DPH2: variants seen among roughly 807,000 people sequenced by gnomAD.
DPH2 encodes 2-(3-amino-3-carboxypropyl)histidine synthase subunit 2.
Under a neutral mutation model 42.5 loss-of-function variants are expected in DPH2, and 28 were observed. The ratio of observed to expected loss-of-function variants is 0.66; its 90% CI spans 0.49 to 0.90. The LOEUF is 0.90. Among genes scored for constraint, DPH2 ranks in the 40% least tolerant of loss-of-function variants. The probability of loss-of-function intolerance (pLI) is 0.00; values close to 1 mark genes in which losing one functional copy is unlikely to be tolerated. For synonymous variants in DPH2, 279 were observed against 264.4 expected, an observed-to-expected ratio of 1.06 and a Z score of -0.53; for missense variants, 576 against 636.0, an observed-to-expected ratio of 0.91 and a Z score of 1.01.
chr1:43,972,701 C>T lies in DPH2; in HGVS notation c.*162C>T. On this transcript the variant is annotated 3_prime_UTR_variant, in exon 6 of 6. Coordinates refer to ENST00000255108, the MANE Select transcript of DPH2 (RefSeq NM_001384.5). ...AGGATAGGATCCGTCTCTGTCCTGT[C>T]CTGGCACTGGCACAAGCTCAGCACA... 2.0e-6 allele frequency: 2 copies of T among 1,007,852 alleles called. No homozygotes were observed. Among genetic ancestry groups the T allele is most frequent in the South Asian group, 3.2e-5 (2 of 61,594 alleles). 62.4% of individuals were successfully genotyped at this position (1,007,852 alleles called of 1,614,324 possible).
intron 1 of DPH2, 35 bp from the exon 2 acceptor site, chr1:43,970,561 G>C: frequency 1.9e-6 from 3 of 1,604,486 alleles, no homozygotes; most frequent in Non-Finnish European, 2.6e-6. Flanking sequence ...CAGTGGGAGA[G>C]AGGCTGTCCC....
chr1:43,972,073 G>C lies in DPH2; in HGVS notation c.1168+3G>C, dbSNP rs1447729003. The C allele has an allele frequency of 6.2e-7, 1 of 1,611,720 alleles. No individual in the cohort carries two copies. The highest frequency in any genetic ancestry group is 1.1e-5 in the South Asian group (1 of 90,990). Reference sequence around the variant, plus strand: ...ACATTATGCGGACTTATTGCCTGGTGAGTAGTGGGGGCATTGCCTAAGCTG... The same window carrying C: ...ACATTATGCGGACTTATTGCCTGGTCAGTAGTGGGGGCATTGCCTAAGCTG... On this transcript the variant is annotated splice_donor_region_variant and intron_variant, in intron 4 of 5. Coordinates refer to ENST00000255108, the MANE Select transcript of DPH2 (RefSeq NM_001384.5).
At chr1:43,970,812 A>C in intron 2 of DPH2, 104 bp downstream of exon 2, 1 of 1,312,526 alleles carries the variant, frequency 7.6e-7, no homozygotes, top group Non-Finnish European at 1.1e-6. Flanking sequence ...CTCCTTGATG[A>C]TAATGGTAAT....
chr1:43,972,652 G>A lies in DPH2; in HGVS notation c.*113G>A. On this transcript the variant is annotated 3_prime_UTR_variant, in exon 6 of 6. Coordinates refer to ENST00000255108, the MANE Select transcript of DPH2 (RefSeq NM_001384.5). ...CAAGATCCTTGAAGGACCCTGGAAG[G>A]AGGGAGAGCAGGCAGCCCTTCACAG... The A allele has an allele frequency of 6.7e-7, 1 of 1,489,942 alleles. No individual in the cohort carries two copies. Among genetic ancestry groups the A allele is most frequent in the South Asian group, 1.3e-5 (1 of 78,364 alleles). The allele number at this position is 1,489,942 out of a possible 1,614,324, so 92.3% of individuals were successfully genotyped here.
At chr1:43,970,894 C>A (rs917336368) in intron 2 of DPH2, 72 bp from the exon 3 acceptor site, 14 of 1,468,066 alleles carry the variant, frequency 9.5e-6, no homozygotes, top group African/African-American at 1.4e-5. Context: ...ATTCACTGAC[C>A]ACATTTCCCA....
Position 43,971,827 on chromosome 1 carries a change from G to T in DPH2, c.925G>T (p.Ala309Ser). 1.2e-6 allele frequency: 2 copies of T among 1,613,198 alleles called. No individual in the cohort carries two copies. Residue 309 changes from alanine to serine, a missense_variant, in exon 4 of 6, where the codon GCT (alanine) becomes TCT (serine). Ala to Ser is a moderately conservative substitution (Grantham distance 99). Around this residue, in one of 3 missense-constraint regions of DPH2, gnomAD observed 395 missense variants for 435.2 expected, o/e 0.91. Coordinates refer to ENST00000255108, the MANE Select transcript of DPH2 (RefSeq NM_001384.5). ...ALAHLRNLTQ[A>S]AGKRSYVLAL... ...GGCCCACTTGCGGAACCTGACTCAG[G>T]CTGCTGGCAAGCGTAGCTATGTGTT...
chr1:43,971,408 G>C lies in DPH2; in HGVS notation c.506G>C (p.Arg169Pro), dbSNP rs529900643. The change falls in exon 4 of 6, where the codon CGC (arginine) becomes CCC (proline). Residue 169 changes from arginine (R) to proline (P), a missense_variant. By Grantham distance (103) the Arg-to-Pro change is moderately radical. Transcript: ENST00000255108. ...CCAGAGGCTTTGGCTACTCTCCTGCGCCCACGGTACCTGGACCTGCTAGTC... is the reference window on the plus strand; with the variant it reads ...CCAGAGGCTTTGGCTACTCTCCTGCCCCCACGGTACCTGGACCTGCTAGTC... Reference protein sequence around the residue: ...HALEALATLLRPRYLDLLVSS... With the variant: ...HALEALATLLPPRYLDLLVSS... 8 of 1,597,138 alleles carry C rather than the reference G, an allele frequency of 5.0e-6. No homozygotes were observed. The highest frequency in any genetic ancestry group is 6.8e-6 in the Non-Finnish European group (8 of 1,169,422).
At chr1:43,970,826 TC>T (rs1557640296) in intron 2 of DPH2, 118 bp downstream of exon 2, 2 of 1,281,722 alleles carry the variant, frequency 1.6e-6, no homozygotes, top group Admixed American at 3.5e-5. Context: ...TGGTAATGAC[TC>T]CCCTTCTGAT....
Position 43,971,925 on chromosome 1 carries a change from T to C in DPH2, c.1023T>C (p.Cys341=). Residue 341 remains cysteine (C), a synonymous_variant, in exon 4 of 6, where the codon TGT becomes TGC. Coordinates refer to ENST00000255108, the MANE Select transcript of DPH2 (RefSeq NM_001384.5). ...PEVDVFVLLA[C]PLGALAPQLS... ...TGGATGTCTTTGTGCTATTAGCCTG[T>C]CCTCTGGGTGCTCTAGCCCCCCAGC... 1 of 1,614,220 alleles carries C rather than the reference T, an allele frequency of 6.2e-7. No individual in the cohort carries two copies. The highest frequency in any genetic ancestry group is 8.5e-7 in the Non-Finnish European group (1 of 1,180,036).
At chr1:43,972,358 C>A (rs368133869) in intron 5 of DPH2, 24 bp downstream of exon 5, 2 of 1,613,284 alleles carry the variant, frequency 1.2e-6, no homozygotes, top group African/African-American at 2.7e-5. Flanking sequence ...TCTCCACTCC[C>A]AGCTGAGCTT....
intron 3 of DPH2, 91 bp from the exon 4 acceptor site, chr1:43,971,296 C>A: frequency 6.5e-7 from 1 of 1,533,078 alleles, no homozygotes; most frequent in Non-Finnish European, 8.8e-7. Context: ...GGGCTTGGCC[C>A]CAGCCTACTG....
In DPH2 at chr1:43,970,960, C is replaced by G; in HGVS notation, c.261-6C>G. On this transcript the variant is annotated splice_polypyrimidine_tract_variant and splice_region_variant and intron_variant, in intron 2 of 5. Coordinates refer to ENST00000255108, the MANE Select transcript of DPH2 (RefSeq NM_001384.5). ...ACCCATTTCTCTGATGCTATCTTCC[C>G]TGCAGCTGCTGCGTGGATGTGCTGG... 1 of 1,569,968 alleles carries G rather than the reference C, an allele frequency of 6.4e-7. No individual in the cohort carries two copies. Among genetic ancestry groups the G allele is most frequent in the Non-Finnish European group, 8.6e-7 (1 of 1,156,112 alleles).
Position 43,971,522 on chromosome 1 carries a change from C to T in DPH2, c.620C>T (p.Pro207Leu). The T allele has an allele frequency of 6.2e-7, 1 of 1,614,222 alleles. No individual in the cohort carries two copies. Among genetic ancestry groups the T allele is most frequent in the Non-Finnish European group, 8.5e-7 (1 of 1,180,032 alleles). Residue 207 changes from proline (P) to leucine (L), a missense_variant, in exon 4 of 6, where the codon CCA becomes CTA. Pro to Leu is a moderately conservative substitution (Grantham distance 98, BLOSUM62 -3). Coordinates refer to ENST00000255108, the MANE Select transcript of DPH2 (RefSeq NM_001384.5). ...TTTGGGCGCCGCTTCCCCCTTGCCCCAGGGAGGCGTCTAGAAGAGTATGGT... is the reference window on the plus strand; with the variant it reads ...TTTGGGCGCCGCTTCCCCCTTGCCCTAGGGAGGCGTCTAGAAGAGTATGGT... ...ERFGRRFPLA[P>L]GRRLEEYGAF...
chr1:43,970,094 C>A lies in DPH2; in HGVS notation c.-82C>A. On this transcript the variant is annotated 5_prime_UTR_variant, in exon 1 of 6. The change creates a new upstream start codon in the 5' untranslated region. Coordinates refer to ENST00000255108, the MANE Select transcript of DPH2 (RefSeq NM_001384.5). ...ACCCCCACAAGGCGATTTTGACCCC[C>A]TGAGGGCTGCTCTAGAGGACTCAGG... 1 of 1,542,448 alleles carries A rather than the reference C, an allele frequency of 6.5e-7. No homozygotes were observed.
intron 1 of DPH2, 68 bp downstream of exon 1, chr1:43,970,390 TGGG>T: frequency 6.3e-7 from 1 of 1,582,680 alleles, no homozygotes; most frequent in South Asian, 1.1e-5. Context: ...ATCCGGATCT[TGGG>T]GGATTTTGTG....
chr1:43,970,196 C>T lies in DPH2; in HGVS notation c.21C>T (p.Ser7=), dbSNP rs764044865. The change falls in exon 1 of 6, where the codon AGC becomes AGT. Residue 7 remains serine, a synonymous_variant. Coordinates refer to ENST00000255108, the MANE Select transcript of DPH2 (RefSeq NM_001384.5). MESMFS[S]PAEAALQRET... is the part of the protein sequence containing the mutation. ...GCCTCATGGAGTCGATGTTTAGCAGCCCTGCCGAGGCGGCGCTGCAGCGAG... is the reference window on the plus strand; with the variant it reads ...GCCTCATGGAGTCGATGTTTAGCAGTCCTGCCGAGGCGGCGCTGCAGCGAG... 4 of 1,614,082 alleles carry T rather than the reference C, an allele frequency of 2.5e-6. No individual in the cohort carries two copies. The South Asian group carries it at 3.3e-5, about 13-fold the overall frequency.
chr1:43,970,778 T>G, intron 2 of DPH2, 70 bp downstream of exon 2: 2 of 1,454,884 alleles, frequency 1.4e-6, no homozygotes, highest in Non-Finnish European at 9.7e-7. Context: ...TCTATGACAG[T>G]GATTGCCTTC....
In DPH2 at chr1:43,971,800, C is replaced by T; in HGVS notation, c.898C>T (p.Leu300=). 1.9e-6 allele frequency: 3 copies of T among 1,611,668 alleles called. No individual in the cohort carries two copies. The highest frequency in any genetic ancestry group is 2.5e-6 in the Non-Finnish European group (3 of 1,180,028). ...GGGTGTAGCCCAACACCGTGAGGCA[C>T]TGGCCCACTTGCGGAACCTGACTCA... The part of the protein sequence containing the change: ...TLGVAQHREA[L]AHLRNLTQAA... Residue 300 remains leucine, a synonymous_variant, in exon 4 of 6, where the codon CTG becomes TTG. Transcript: ENST00000255108.
At chr1:43,972,375 C>T (rs776525529) in intron 5 of DPH2, 40 bp from the exon 6 acceptor site, 71 of 1,613,342 alleles carry the variant, frequency 4.4e-5, no homozygotes, top group South Asian at 8.8e-5. Context: ...GCTTTTTCTC[C>T]AGATGCAGCG....
Sources: gnomAD v4.1 joint callset for allele counts on GRCh38, gnomAD v4.1.1 for gene constraint, gnomAD v4.1.1 regional missense constraint, MANE v1.5 for transcripts, NCBI Gene and HGNC (gene_info 2026-07-23, HGNC 2026-07-21) for gene names.